The following SLC5A8 variants were observed in gnomAD, a reference collection of about 807,000 sequenced individuals.
SLC5A8 encodes solute carrier family 5 member 8.
A neutral mutation model predicts 71.9 loss-of-function variants in SLC5A8; 55 were observed. That is an observed-to-expected ratio of 0.77 (90% CI 0.62 to 0.96). The LOEUF is 0.96. Among genes scored for constraint, SLC5A8 ranks in the 40% least tolerant of loss-of-function variants. The pLI, the probability that SLC5A8 is intolerant of heterozygous loss-of-function variation, is 0.00. For synonymous variants in SLC5A8, 307 were observed against 276.1 expected (o/e 1.11, Z -1.11); for missense variants, 701 against 745.3 (o/e 0.94, Z 0.69).
At chr12:101,160,608 A>T (rs2137120642) in intron 13 of SLC5A8, among the ~76,000 whole-genome samples, 1 of 152,284 alleles carries the variant, frequency 6.6e-6, no homozygotes, top group East Asian at 1.9e-4. Context: ...GGAGCCCAGC[A>T]TGTTTCACCA....
At chr12:101,161,613 C>G (rs1247705452) in intron 13 of SLC5A8, among the ~76,000 whole-genome samples, 2 of 152,166 alleles carry the variant, frequency 1.3e-5, no homozygotes, top group African/African-American at 4.8e-5. Context: ...TGTAAAATCC[C>G]TAACATCATA....
At chr12:101,181,258 A>C (rs952698758) in intron 9 of SLC5A8, among the ~76,000 whole-genome samples, 1 of 152,156 alleles carries the variant, frequency 6.6e-6, no homozygotes, top group Non-Finnish European at 1.5e-5. Context: ...TACGCCTCTC[A>C]ATTTTAATGT....
chr12:101,206,699 G>C (rs1392726526), intron 1 of SLC5A8, among the ~76,000 whole-genome samples: 1 of 152,130 alleles, frequency 6.6e-6, no homozygotes, highest in Non-Finnish European at 1.5e-5. Context: ...GATCTCTCGT[G>C]GTCCTCAGAA....
At chr12:101,170,566 A>T (rs2051819267) in intron 10 of SLC5A8, among the ~76,000 whole-genome samples, 1 of 152,166 alleles carries the variant, frequency 6.6e-6, no homozygotes, top group South Asian at 2.1e-4. Context: ...AAAAAACTTT[A>T]AAAAGATAAA....
chr12:101,177,442 TATACACACACACAC>T (rs1291834351), intron 10 of SLC5A8, among the ~76,000 whole-genome samples: 3 of 133,438 alleles, frequency 2.2e-5, no homozygotes, highest in South Asian at 2.4e-4. Flanking sequence ...AAAGGCAGTA[TATACACACACACAC>T]ACACACACAC....
chr12:101,190,039 A>C (rs1868829136), intron 6 of SLC5A8, among the ~76,000 whole-genome samples: 2 of 152,240 alleles, frequency 1.3e-5, no homozygotes, highest in Admixed American at 1.3e-4. Context: ...ACTGTGTCTG[A>C]AAATGAAATA....
At position 101,193,793 on chromosome 12, in the gene SLC5A8, G is replaced by T. The variant is rs1233244459; in HGVS notation, c.538-14C>A. 6.2e-7 allele frequency: 1 copy of T among 1,612,994 alleles called. No homozygotes were observed. ...TTTAAGACCACCCTTTGAGGGGAAA[G>T]TATATTAGGATTAATGCTTCTATTA... On this transcript the variant is annotated splice_polypyrimidine_tract_variant and intron_variant, in intron 4 of 14. Transcript: ENST00000536262.
chr12:101,173,163 T>C (rs1314571980), intron 10 of SLC5A8, among the ~76,000 whole-genome samples: 3 of 152,158 alleles, frequency 2.0e-5, no homozygotes, highest in African/African-American at 7.2e-5. Context: ...AAGGAAATGA[T>C]CTTATTATCT....
intron 13 of SLC5A8, among the ~76,000 whole-genome samples, chr12:101,160,261 T>C (rs1270612794): frequency 6.6e-6 from 1 of 152,122 alleles, no homozygotes; most frequent in Non-Finnish European, 1.5e-5. Flanking sequence ...CCTACTGTAC[T>C]GGGAATTTTA....
intron 6 of SLC5A8, among the ~76,000 whole-genome samples, chr12:101,190,034 G>A (rs1395271734): frequency 6.6e-6 from 1 of 152,144 alleles, no homozygotes. Context: ...CCATGACTGT[G>A]TCTGAAAATG....
chr12:101,181,702 C>G (rs540106519), intron 9 of SLC5A8, among the ~76,000 whole-genome samples: 2 of 152,282 alleles, frequency 1.3e-5, no homozygotes, highest in South Asian at 4.1e-4. Flanking sequence ...TCTATTCATT[C>G]TACTAAACCA....
chr12:101,179,354 T>C (rs2051910983), intron 10 of SLC5A8, among the ~76,000 whole-genome samples: 1 of 152,214 alleles, frequency 6.6e-6, no homozygotes, highest in Admixed American at 6.5e-5. Flanking sequence ...GTAATGTTTG[T>C]AACAGATTTG....
chr12:101,196,989 G>C (rs1869204475), intron 3 of SLC5A8, among the ~76,000 whole-genome samples: 2 of 152,208 alleles, frequency 1.3e-5, no homozygotes, highest in African/African-American at 4.8e-5. Flanking sequence ...AGGAACTTAA[G>C]GGGGCTCCGG....
intron 9 of SLC5A8, among the ~76,000 whole-genome samples, chr12:101,181,405 C>CTT (rs1347913858): frequency 1.3e-5 from 2 of 152,174 alleles, no homozygotes; most frequent in Non-Finnish European, 2.9e-5. Flanking sequence ...GTCCTTACTG[C>CTT]ATATACTTCA....
At chr12:101,171,897 C>T (rs968864858) in intron 10 of SLC5A8, among the ~76,000 whole-genome samples, 3 of 152,278 alleles carry the variant, frequency 2.0e-5, no homozygotes, top group African/African-American at 7.2e-5. Context: ...CACGGGCACA[C>T]TGGGGCTTGG....
At position 101,159,010 on chromosome 12, in the gene SLC5A8, C is replaced by T. The variant is rs542826119; in HGVS notation, c.1631-682G>A. Among the ~76,000 whole-genome samples, 3 of 151,034 alleles carry T rather than the reference C, an allele frequency of 2.0e-5. 1 individual carries two copies. The highest frequency in any genetic ancestry group is 7.3e-5 in the African/African-American group (3 of 41,158). The stretch of plus-strand genomic sequence containing the variant: ...TATTTTTTGTGGATCAAAGAGGATG[C>T]TTTTAAAAATTGTGTATCTCAAAGA... On this transcript the variant is annotated intron_variant, in intron 13 of 14. Coordinates refer to ENST00000536262, the MANE Select transcript of SLC5A8 (RefSeq NM_145913.5).
At chr12:101,196,199 TCTC>T (rs1042260722) in intron 3 of SLC5A8, among the ~76,000 whole-genome samples, 5 of 152,164 alleles carry the variant, frequency 3.3e-5, no homozygotes, top group Non-Finnish European at 7.3e-5. Flanking sequence ...TGTGTGTTGT[TCTC>T]CTCTGTGTGT....
intron 9 of SLC5A8, among the ~76,000 whole-genome samples, chr12:101,181,266 T>C (rs1454195085): frequency 6.6e-6 from 1 of 152,246 alleles, no homozygotes; most frequent in East Asian, 1.9e-4. Context: ...TCAATTTTAA[T>C]GTAAATAATA....
At chr12:101,163,326 A>G (rs1021599704) in intron 12 of SLC5A8, among the ~76,000 whole-genome samples, 1 of 152,194 alleles carries the variant, frequency 6.6e-6, no homozygotes, top group Non-Finnish European at 1.5e-5. Context: ...TGAGAACAAT[A>G]TATAAAACCT....
Sources: gnomAD v4.1 joint callset for allele counts (sites outside exome capture counted in the v4.1 genomes callset) on GRCh38, gnomAD v4.1.1 for gene constraint, MANE v1.5 for transcripts, NCBI Gene and HGNC (gene_info 2026-07-23, HGNC 2026-07-21) for gene names.